Variants in GABRR2 observed in about 807,000 individuals in gnomAD.
The protein encoded by GABRR2 is gamma-aminobutyric acid receptor subunit rho-2.
GABRR2 carries 36 observed loss-of-function variants against 47.0 expected under a neutral mutation model. The observed-to-expected ratio is 0.77, with a 90% confidence interval of 0.59 to 1.01. The LOEUF is 1.01. Ranked by LOEUF, GABRR2 falls within the 50% of genes least tolerant of loss-of-function variation. The probability of loss-of-function intolerance (pLI) is 0.00; values close to 1 mark genes in which losing one functional copy is unlikely to be tolerated. For synonymous variants in GABRR2, 204 were observed against 227.5 expected (o/e 0.90, Z 0.93); for missense variants, 587 against 594.6 (o/e 0.99, Z 0.13).
At chr6:89,306,485 C>T (rs1193153074) in intron 1 of GABRR2, among the ~76,000 whole-genome samples, 2 of 152,208 alleles carry the variant, frequency 1.3e-5, no homozygotes, top group Admixed American at 1.3e-4. Context: ...CTCCTTACTT[C>T]AGTCCAGGTC....
intron 1 of GABRR2, among the ~76,000 whole-genome samples, chr6:89,309,187 C>T (rs777054293): frequency 9.2e-5 from 14 of 152,212 alleles, no homozygotes; most frequent in Non-Finnish European, 2.1e-4. Flanking sequence ...GCCACTCTCA[C>T]ATCTGCTTTC....
At chr6:89,288,944 A>G (rs1041543932) in intron 2 of GABRR2, among the ~76,000 whole-genome samples, 1 of 152,252 alleles carries the variant, frequency 6.6e-6, no homozygotes, top group Non-Finnish European at 1.5e-5. Context: ...TGCCCAGCTA[A>G]TGTTTTTAAT....
At position 89,296,278 on chromosome 6, in the gene GABRR2, G is replaced by A. The variant is rs548518902; in HGVS notation, c.220+3481C>T. ...ATAAAGATCATTGACAGCACAAGCA[G>A]TGGGAATCCCCGTCCTGCGATCATC... On this transcript the variant is annotated intron_variant, in intron 2 of 8. Transcript: ENST00000402938. 2.0e-5 allele frequency among the ~76,000 whole-genome samples: 3 copies of A among 152,390 alleles called. No individual in the cohort carries two copies. The East Asian group carries it at 5.8e-4, about 29-fold the overall frequency.
At chr6:89,262,393 T>C (rs903027535) in intron 8 of GABRR2, among the ~76,000 whole-genome samples, 1 of 152,228 alleles carries the variant, frequency 6.6e-6, no homozygotes, top group Non-Finnish European at 1.5e-5. Flanking sequence ...AATATGTATA[T>C]TTAGCCATAT....
chr6:89,279,321 G>A (rs750438104), intron 2 of GABRR2, among the ~76,000 whole-genome samples: 2 of 152,204 alleles, frequency 1.3e-5, no homozygotes, highest in Non-Finnish European at 1.5e-5. Context: ...CCTGAAGACC[G>A]GTGAAGGGAT....
At chr6:89,274,844 G>C (rs1343216993) in intron 2 of GABRR2, among the ~76,000 whole-genome samples, 2 of 151,768 alleles carry the variant, frequency 1.3e-5, no homozygotes, top group Non-Finnish European at 2.9e-5. Context: ...CTCCAGCATG[G>C]GCAATAGAGT....
chr6:89,269,187 C>T lies in GABRR2; in HGVS notation c.336G>A (p.Arg112=), dbSNP rs778773400. ...LYLRHYWKDE[R]LAFSSASNKS... The stretch of plus-strand genomic sequence containing the variant: ...TGTTGCTGGCGCTGGAGAAAGCTAG[C>T]CTCTCATCCTTCCAGTAATGCCGCA... The change falls in exon 4 of 9, where the codon AGG becomes AGA. Residue 112 remains arginine, a synonymous_variant. Coordinates refer to ENST00000402938, the MANE Select transcript of GABRR2 (RefSeq NM_002043.5). 1.9e-6 allele frequency: 3 copies of T among 1,614,058 alleles called. No homozygotes were observed. The East Asian group carries it at 6.7e-5, about 36-fold the overall frequency.
chr6:89,309,286 G>A (rs528305494), intron 1 of GABRR2, among the ~76,000 whole-genome samples: 8 of 152,002 alleles, frequency 5.3e-5, no homozygotes, highest in Non-Finnish European at 1.2e-4. Flanking sequence ...CGTGTAGGTG[G>A]TGAGGTAACT....
intron 6 of GABRR2, among the ~76,000 whole-genome samples, chr6:89,267,033 TCTGTCCCCCAGG>T (rs200896477): frequency 0.091 from 12,730 of 140,354 alleles, 708 homozygotes; most frequent in Non-Finnish European, 0.12. Flanking sequence ...GGAGTATCAC[TCTGTCCCCCAGG>T]CTGGAGTGCA....
intron 1 of GABRR2, among the ~76,000 whole-genome samples, chr6:89,314,361 T>C (rs996170022): frequency 6.6e-6 from 1 of 152,222 alleles, no homozygotes; most frequent in Non-Finnish European, 1.5e-5. Context: ...GCCTGGAGTA[T>C]GATGCTTCGT....
intron 2 of GABRR2, among the ~76,000 whole-genome samples, chr6:89,282,966 C>T (rs934925316): frequency 6.6e-6 from 1 of 152,232 alleles, no homozygotes. Flanking sequence ...GTGCTGCACA[C>T]GTGGTCACAC....
chr6:89,305,049 A>G (rs1767534568), intron 1 of GABRR2, among the ~76,000 whole-genome samples: 1 of 152,238 alleles, frequency 6.6e-6, no homozygotes, highest in Non-Finnish European at 1.5e-5. Flanking sequence ...CTCATCAGTG[A>G]CAGATTGAAT....
chr6:89,275,645 C>T (rs1367892717), intron 2 of GABRR2, among the ~76,000 whole-genome samples: 1 of 152,116 alleles, frequency 6.6e-6, no homozygotes, highest in Non-Finnish European at 1.5e-5. Context: ...AAGCAGAGTC[C>T]CAAGGGGATG....
chr6:89,270,716 T>C (rs1044412901), intron 3 of GABRR2, among the ~76,000 whole-genome samples: 2 of 152,146 alleles, frequency 1.3e-5, no homozygotes, highest in Non-Finnish European at 2.9e-5. Flanking sequence ...GATGACAGCA[T>C]TGCAAGTGGG....
chr6:89,281,341 G>A (rs768103470), intron 2 of GABRR2, among the ~76,000 whole-genome samples: 9 of 151,880 alleles, frequency 5.9e-5, no homozygotes, highest in Non-Finnish European at 1.0e-4. Flanking sequence ...GAAGTCCAAC[G>A]AAAGGCATTG....
intron 8 of GABRR2, among the ~76,000 whole-genome samples, chr6:89,259,535 A>T: frequency 6.7e-6 from 1 of 149,966 alleles, no homozygotes; most frequent in South Asian, 2.1e-4. Context: ...ATGGAGTCTC[A>T]CTCTATCCCC....
chr6:89,267,841 T>C (rs1304286763), intron 5 of GABRR2, 22 bp from the exon 6 acceptor site: 1 of 1,605,968 alleles, frequency 6.2e-7, no homozygotes, highest in Admixed American at 1.7e-5. Flanking sequence ...GGAAAACAAG[T>C]TAATTTGACT....
chr6:89,277,662 A>C (rs1033622769), intron 2 of GABRR2, among the ~76,000 whole-genome samples: 1 of 152,138 alleles, frequency 6.6e-6, no homozygotes, highest in African/African-American at 2.4e-5. Context: ...AAAAAAGAAA[A>C]GAAAATAATT....
intron 1 of GABRR2, chr6:89,302,128 C>A: frequency 3.3e-6 from 2 of 603,700 alleles, no homozygotes; most frequent in East Asian, 3.3e-5. Flanking sequence ...TGGATTCCCT[C>A]CTGGATGTGC....
Sources: gnomAD v4.1 joint callset for allele counts (sites outside exome capture counted in the v4.1 genomes callset) on GRCh38, gnomAD v4.1.1 for gene constraint, MANE v1.5 for transcripts, NCBI Gene and HGNC (gene_info 2026-07-23, HGNC 2026-07-21) for gene names.